BCAR3: variants seen among roughly 807,000 people sequenced by gnomAD.
BCAR3 encodes BCAR3 adaptor protein, NSP family member.
Under a neutral mutation model 80.1 loss-of-function variants are expected in BCAR3, and 37 were observed. That is an observed-to-expected ratio of 0.46 (90% confidence interval 0.36 to 0.61). BCAR3 has a LOEUF of 0.61. Among genes scored for constraint, BCAR3 ranks in the 20% least tolerant of loss-of-function variants. The probability of loss-of-function intolerance (pLI) is 0.00; values close to 1 mark genes in which losing one functional copy is unlikely to be tolerated. For missense variants in BCAR3, 978 were observed against 1,068.2 expected, an observed-to-expected ratio of 0.92 and a Z score of 1.18; for synonymous variants, 389 against 418.9, an observed-to-expected ratio of 0.93 and a Z score of 0.87.
chr1:93,795,416 T>C (rs1337763778), intron 2 of BCAR3, among the ~76,000 whole-genome samples: 1 of 107,582 alleles, frequency 9.3e-6, no homozygotes, highest in East Asian at 3.0e-4. Flanking sequence ...TCATCTTCCA[T>C]TGCTGATACC....
At chr1:93,737,645 C>T (rs1211151786) in intron 2 of BCAR3, among the ~76,000 whole-genome samples, 2 of 152,296 alleles carry the variant, frequency 1.3e-5, no homozygotes, top group East Asian at 3.9e-4. Context: ...TTTTAAGCCA[C>T]CCAGTCTGTG....
intron 2 of BCAR3, among the ~76,000 whole-genome samples, chr1:93,716,625 G>A (rs575679473): frequency 3.3e-5 from 5 of 152,350 alleles, no homozygotes; most frequent in Admixed American, 2.6e-4. Context: ...TAGAGGGGAC[G>A]TTGAGACAAC....
At chr1:93,673,611 T>C (rs982844327) in intron 2 of BCAR3, among the ~76,000 whole-genome samples, 1 of 152,140 alleles carries the variant, frequency 6.6e-6, no homozygotes, top group African/African-American at 2.4e-5. Flanking sequence ...GGAAAAGGAG[T>C]GCAGTTTCCA....
At chr1:93,653,243 A>T (rs1647210720) in intron 2 of BCAR3, among the ~76,000 whole-genome samples, 1 of 152,244 alleles carries the variant, frequency 6.6e-6, no homozygotes, top group Non-Finnish European at 1.5e-5. Context: ...TTTTAGATAT[A>T]ACAAAATGGA....
chr1:93,693,676 AAAT>A (rs1268488438), intron 3 of BCAR3, among the ~76,000 whole-genome samples: 1 of 152,186 alleles, frequency 6.6e-6, no homozygotes, highest in African/African-American at 2.4e-5. Context: ...CTTTATACAA[AAAT>A]AATATTATAC....
intron 2 of BCAR3, among the ~76,000 whole-genome samples, chr1:93,661,490 C>T (rs1647654112): frequency 7.1e-6 from 1 of 140,960 alleles, no homozygotes; most frequent in South Asian, 2.3e-4. Flanking sequence ...CCCAGTGTAG[C>T]TTTTTTTTTT....
intron 1 of BCAR3, among the ~76,000 whole-genome samples, chr1:93,676,458 C>A (rs1412753127): frequency 6.6e-6 from 1 of 152,160 alleles, no homozygotes; most frequent in African/African-American, 2.4e-5. Flanking sequence ...TAACTCTGTC[C>A]TCGGTTCATT....
At chr1:93,685,790 G>A (rs561543902), upstream of BCAR3, among the ~76,000 whole-genome samples, 24 of 152,226 alleles carry the variant, frequency 1.6e-4, 1 homozygote, top group South Asian at 5.0e-3. Context: ...GCCAGAAGGT[G>A]TTATTAATAA....
intron 3 of BCAR3, among the ~76,000 whole-genome samples, chr1:93,606,880 G>C (rs1308465230): frequency 6.6e-6 from 1 of 152,188 alleles, no homozygotes; most frequent in Non-Finnish European, 1.5e-5. Flanking sequence ...CTGATTTCAG[G>C]AAGAAATGGT....
chr1:93,838,755 C>T (rs1201481333), intron 2 of BCAR3, among the ~76,000 whole-genome samples: 1 of 152,088 alleles, frequency 6.6e-6, no homozygotes, highest in Non-Finnish European at 1.5e-5. Context: ...GCAGACATTC[C>T]AAGCAAGGAG....
chr1:93,626,748 C>T (rs1409817697), intron 3 of BCAR3, among the ~76,000 whole-genome samples: 1 of 152,086 alleles, frequency 6.6e-6, no homozygotes, highest in South Asian at 2.1e-4. Context: ...TAAATATGGG[C>T]CCTCGAGTAC....
upstream of BCAR3, among the ~76,000 whole-genome samples, chr1:93,686,047 A>G (rs997272543): frequency 6.6e-6 from 1 of 152,040 alleles, no homozygotes; most frequent in Non-Finnish European, 1.5e-5. Flanking sequence ...TTTTTCAATG[A>G]TAATATTAAA....
At chr1:93,705,457 A>G (rs1235657865) in intron 3 of BCAR3, among the ~76,000 whole-genome samples, 1 of 152,186 alleles carries the variant, frequency 6.6e-6, no homozygotes, top group Non-Finnish European at 1.5e-5. Context: ...TCAATAAAAT[A>G]TAACTTCCGA....
At chr1:93,784,848 T>C (rs1199649399) in intron 2 of BCAR3, among the ~76,000 whole-genome samples, 1 of 152,258 alleles carries the variant, frequency 6.6e-6, no homozygotes, top group Admixed American at 6.5e-5. Context: ...GACTTAGCTC[T>C]AGGCAAGATT....
intron 2 of BCAR3, among the ~76,000 whole-genome samples, chr1:93,832,706 T>C (rs1344897099): frequency 6.6e-6 from 1 of 152,160 alleles, no homozygotes; most frequent in Non-Finnish European, 1.5e-5. Context: ...TGGGTATTGA[T>C]GGCCAGGCTT....
chr1:93,665,449 TCCATA>T (rs574523408), intron 2 of BCAR3, among the ~76,000 whole-genome samples: 25 of 152,096 alleles, frequency 1.6e-4, no homozygotes, highest in Non-Finnish European at 3.4e-4. Context: ...ATCCTATCTA[TCCATA>T]TCCTATCTTA....
At chr1:93,783,644 C>A (rs1249125151) in intron 2 of BCAR3, among the ~76,000 whole-genome samples, 2 of 152,078 alleles carry the variant, frequency 1.3e-5, no homozygotes, top group African/African-American at 2.4e-5. Context: ...GTTGAGGGAA[C>A]AAAGTTGTAG....
In BCAR3 at chr1:93,619,972, T is replaced by A. The variant is rs58679238; in HGVS notation, c.357+22332A>T. Among the ~76,000 whole-genome samples the A allele has an allele frequency of 7.9e-3, 1,211 of 152,358 alleles. 16 individuals carry two copies. Among genetic ancestry groups the A allele is most frequent in the African/African-American group, 0.028 (1,154 of 41,582 alleles). ...TTTCCTCCCCAGACTTACCAAGTTA[T>A]TGTAAGCATCAAGTGAGATATCACA... On this transcript the variant is annotated intron_variant, in intron 3 of 11. Transcript: ENST00000260502.
chr1:93,618,009 G>T, intron 3 of BCAR3, among the ~76,000 whole-genome samples: 1 of 152,236 alleles, frequency 6.6e-6, no homozygotes, highest in East Asian at 1.9e-4. Context: ...CAAAGAGCCA[G>T]AGGGCCTGAG....
Sources: allele counts gnomAD v4.1 joint callset (sites outside exome capture counted in the v4.1 genomes callset), GRCh38; gene constraint gnomAD v4.1.1; transcripts MANE v1.5; gene names NCBI Gene and HGNC (gene_info 2026-07-23, HGNC 2026-07-21).